The following HINT2 variants were observed in gnomAD, a reference collection of about 807,000 sequenced individuals.
HINT2 encodes the protein adenosine 5'-monophosphoramidase HINT2.
HINT2 carries 17 observed loss-of-function variants against 20.0 expected under a neutral mutation model. The ratio of observed to expected loss-of-function variants is 0.85; its 90% confidence interval spans 0.58 to 1.27. HINT2 has a LOEUF of 1.27. Ranked by LOEUF, HINT2 falls within the 50% of genes most tolerant of loss-of-function variation. HINT2 has a pLI of 0.00. For missense variants in HINT2, 217 were observed against 211.9 expected, an observed-to-expected ratio of 1.02 and a Z score of -0.15; for synonymous variants, 96 against 84.2, an observed-to-expected ratio of 1.14 and a Z score of -0.77.
chr9:35,814,672 C>G, intron 1 of HINT2: 1 of 504,196 alleles, frequency 2.0e-6, no homozygotes, highest in Non-Finnish European at 3.5e-6. Context: ...CTGCACTGAC[C>G]CTGTCCCGAC....
At chr9:35,813,572 G>A (rs999944769) in intron 2 of HINT2, 23 bp from the exon 3 acceptor site, 18 of 1,613,826 alleles carry the variant, frequency 1.1e-5, no homozygotes, top group African/African-American at 4.0e-5. Context: ...ACAGGCCAGA[G>A]GCCACGTTAC....
At chr9:35,815,278 T>G, upstream of HINT2, 2 of 332,186 alleles carry the variant, frequency 6.0e-6, no homozygotes, top group Non-Finnish European at 1.1e-5. Context: ...CTAGTTTCTC[T>G]GTGAGAGAAA....
chr9:35,813,279 A>G lies in HINT2; in HGVS notation c.387T>C (p.Asp129=), dbSNP rs773314900. The stretch of plus-strand genomic sequence containing the variant: ...AAAGTCACTCACCAAGTCGGTATCC[A>G]TCTCCCAGGCCCTCAGCCTTTGCTG... ...KQTAKAEGLG[D]GYRLVINDGK... The change falls in exon 4 of 5, where the codon GAT becomes GAC. Residue 129 remains aspartate (D), a synonymous_variant. Transcript: ENST00000259667. The G allele has an allele frequency of 3.7e-6, 6 of 1,614,092 alleles. No homozygotes were observed. The East Asian group carries it at 1.3e-4, about 36-fold the overall frequency.
intron 1 of HINT2, chr9:35,814,145 A>G (rs1004149595): frequency 5.0e-6 from 1 of 201,116 alleles, no homozygotes. Flanking sequence ...AATATAAAAT[A>G]AAGGGATGGT....
Position 35,813,651 on chromosome 9 carries a change from T to G in HINT2, c.215A>C (p.Asp72Ala), listed in dbSNP as rs1828925889. ...KSLPADILYE[D>A]QQCLVFRDVA... is the part of the protein sequence containing the mutation. ...GTCCTAAGAGCACCCCACCTGCTGG[T>G]CCTCATAGAGAATGTCAGCTGGGAG... Residue 72 changes from aspartate to alanine, a missense_variant, in exon 2 of 5, where the codon GAC (aspartate) becomes GCC (alanine). Physicochemically the swap from Asp to Ala is moderately radical, Grantham distance 126 (BLOSUM62 -2). Coordinates refer to ENST00000259667, the MANE Select transcript of HINT2 (RefSeq NM_032593.3). 1.2e-6 allele frequency: 2 copies of G among 1,614,080 alleles called. No individual in the cohort carries two copies. Among genetic ancestry groups the G allele is most frequent in the South Asian group, 2.2e-5 (2 of 91,092 alleles).
upstream of HINT2, chr9:35,815,288 A>C: frequency 3.1e-6 from 1 of 320,458 alleles, no homozygotes; most frequent in Non-Finnish European, 5.7e-6. Context: ...TGTGAGAGAA[A>C]CTTCCACTCC....
chr9:35,814,128 A>G (rs1348447905), intron 1 of HINT2: 2 of 219,718 alleles, frequency 9.1e-6, no homozygotes, highest in Admixed American at 1.0e-4. Flanking sequence ...TCCTTCTCTC[A>G]GCTTCTAATA....
In HINT2 at chr9:35,815,036, C is replaced by A. The variant is rs1262925154; in HGVS notation, c.-57G>T. The A allele has an allele frequency of 3.6e-5, 48 of 1,346,384 alleles. No homozygotes were observed. Among genetic ancestry groups the A allele is most frequent in the South Asian group, 1.7e-5 (1 of 57,354 alleles). 83.4% of individuals were successfully genotyped at this position (1,346,384 alleles called of 1,614,324 possible). A position where few individuals can be genotyped will look rare whatever the true frequency, so the allele number is the denominator to read the frequency against. On this transcript the variant is annotated 5_prime_UTR_variant, in exon 1 of 5. Coordinates refer to ENST00000259667, the MANE Select transcript of HINT2 (RefSeq NM_032593.3). ...GTCAGCACTCGGCTCCGCGGCCGGC[C>A]GTGGGTGGGGACTCCGGGCGCGGGG...
Position 35,813,049 on chromosome 9 carries a change from C to T in HINT2, c.*5G>A. On this transcript the variant is annotated 3_prime_UTR_variant, in exon 5 of 5. Coordinates refer to ENST00000259667, the MANE Select transcript of HINT2 (RefSeq NM_032593.3). Reference sequence around the variant, plus strand: ...AGTCTGGTGTCCTTTAATCAGTTGGCAGGTTCAACCTGGAGGCCACTGGAG... The same window carrying T: ...AGTCTGGTGTCCTTTAATCAGTTGGTAGGTTCAACCTGGAGGCCACTGGAG... The T allele has an allele frequency of 6.2e-7, 1 of 1,611,784 alleles. No individual in the cohort carries two copies. Among genetic ancestry groups the T allele is most frequent in the Non-Finnish European group, 8.5e-7 (1 of 1,177,844 alleles).
upstream of HINT2, chr9:35,815,124 T>G (rs1353449705): frequency 2.9e-6 from 2 of 688,174 alleles, no homozygotes; most frequent in Non-Finnish European, 4.4e-6. Context: ...CTGAGCACGA[T>G]TCACCCCATT....
chr9:35,815,179 C>G (rs556860912), upstream of HINT2: 1 of 478,368 alleles, frequency 2.1e-6, no homozygotes, highest in African/African-American at 2.0e-5. Context: ...ATCTCATTGG[C>G]TGCTTCTACC....
intron 1 of HINT2, 133 bp downstream of exon 1, chr9:35,814,766 G>A: frequency 1.3e-6 from 1 of 744,824 alleles, no homozygotes; most frequent in East Asian, 3.4e-5. Flanking sequence ...ACACAGCCCC[G>A]GAGCTTGTGC....
intron 1 of HINT2, chr9:35,814,211 A>C (rs1828954395): frequency 6.1e-6 from 1 of 162,768 alleles, no homozygotes; most frequent in African/African-American, 2.4e-5. Context: ...TTGTTAGTAC[A>C]TTTCCACTTA....
At position 35,813,657 on chromosome 9, in the gene HINT2, T is replaced by C. The variant is rs1463149192; in HGVS notation, c.209A>G (p.Tyr70Cys). The change falls in exon 2 of 5, where the codon TAT becomes TGT. Residue 70 changes from tyrosine (Y) to cysteine (C), a missense_variant. Transcript: ENST00000259667. ...AGAGCACCCCACCTGCTGGTCCTCA[T>C]AGAGAATGTCAGCTGGGAGGCTCTT... is the stretch of plus-strand genomic sequence containing the variant. ...LDKSLPADIL[Y>C]EDQQCLVFRD... The C allele has an allele frequency of 6.2e-7, 1 of 1,613,934 alleles. No individual in the cohort carries two copies. Among genetic ancestry groups the C allele is most frequent in the East Asian group, 2.2e-5 (1 of 44,896 alleles).
rs148204547 is a variant in HINT2 at position 35,813,893 on chromosome 9, A to T, written c.82-109T>A. On this transcript the variant is annotated intron_variant, in intron 1 of 4. Transcript: ENST00000259667. ...CTATTCATCGTTCCCACCCAGGAGG[A>T]AAGTTCCTGAATTTCAGAGCACCAG... 1,219 of 1,284,922 alleles carry T rather than the reference A, an allele frequency of 9.5e-4. 10 individuals are homozygous for T. The African/African-American group carries it at 0.016, about 17-fold the overall frequency. 79.6% of individuals were successfully genotyped at this position (1,284,922 alleles called of 1,614,324 possible). A position where few individuals can be genotyped will look rare whatever the true frequency, so the allele number is the denominator to read the frequency against.
chr9:35,812,960 T>G lies in HINT2; in HGVS notation c.*94A>C, dbSNP rs764147337. ...TTATATTAAAGACAGGAGAGCATAA[T>G]TAAGGGAGAACAGTTTTATTAGCAT... On this transcript the variant is annotated 3_prime_UTR_variant, in exon 5 of 5. Transcript: ENST00000259667. 147 of 964,092 alleles carry G rather than the reference T, an allele frequency of 1.5e-4. No homozygotes were observed. The highest frequency in any genetic ancestry group is 7.2e-4 in the Middle Eastern group (3 of 4,162). 59.7% of individuals were successfully genotyped at this position (964,092 alleles called of 1,614,324 possible). A position where few individuals can be genotyped will look rare whatever the true frequency, so the allele number is the denominator to read the frequency against.
rs1030326339 is a variant in HINT2, at chr9:35,813,461, T to A, written c.311A>T (p.Glu104Val). ...KKPIPRISQA[E>V]EEDQQLLGHL... Reference sequence around the variant, plus strand: ...TCTTCCCACCTGCTGGTCTTCTTCTTCAGCCTGGCTAATCCGAGGAATGGG... The same window carrying A: ...TCTTCCCACCTGCTGGTCTTCTTCTACAGCCTGGCTAATCCGAGGAATGGG... Residue 104 changes from glutamate (E) to valine (V), a missense_variant, in exon 3 of 5, where the codon GAA (glutamate) becomes GTA (valine). Transcript: ENST00000259667. 1.9e-6 allele frequency: 3 copies of A among 1,614,094 alleles called. No individual in the cohort carries two copies. Among genetic ancestry groups the A allele is most frequent in the Non-Finnish European group, 1.7e-6 (2 of 1,179,986 alleles).
Position 35,813,107 on chromosome 9 carries a change from G to A in HINT2, c.439C>T (p.His147Tyr). 6.2e-7 allele frequency: 1 copy of A among 1,614,248 alleles called. No individual in the cohort carries two copies. The highest frequency in any genetic ancestry group is 8.5e-7 in the Non-Finnish European group (1 of 1,180,046). The change falls in exon 5 of 5, where the codon CAT (histidine) becomes TAT (tyrosine). Residue 147 changes from histidine (H) to tyrosine (Y), a missense_variant. Physicochemically the swap from His to Tyr is moderately conservative, Grantham distance 83 (BLOSUM62 2). Transcript: ENST00000259667. ...DGKLGAQSVYHLHIHVLGGRQ... is the reference protein window; with the variant it reads ...DGKLGAQSVYYLHIHVLGGRQ... ...CCCCCAAGTACATGAATGTGCAGAT[G>A]ATACACAGATTGTGCACCCAGCTTC...
At chr9:35,814,464 G>C (rs1296230397) in intron 1 of HINT2, 1 of 162,210 alleles carries the variant, frequency 6.2e-6, no homozygotes, top group Non-Finnish European at 1.3e-5. Context: ...CATCACGTTG[G>C]GGGAGAACGG....
Sources: gnomAD v4.1 joint callset for allele counts on GRCh38, gnomAD v4.1.1 for gene constraint, MANE v1.5 for transcripts, NCBI Gene and HGNC (gene_info 2026-07-23, HGNC 2026-07-21) for gene names.